The following GPHN variants were observed in gnomAD, a reference collection of about 807,000 sequenced individuals.
The protein encoded by GPHN is gephyrin.
GPHN carries 17 observed loss-of-function variants against 95.5 expected under a neutral mutation model. The observed-to-expected ratio is 0.18, with a 90% CI of 0.12 to 0.27. The LOEUF (loss-of-function observed/expected upper bound fraction) is 0.27, where lower values mean the gene tolerates loss of function less well. GPHN is among the 10% of genes least tolerant of loss of function. GPHN has a pLI of 1.00. For synonymous variants in GPHN, 320 were observed against 322.5 expected, an observed-to-expected ratio of 0.99 and a Z score of 0.08; for missense variants, 660 against 978.1, an observed-to-expected ratio of 0.67 and a Z score of 4.34.
intron 2 of GPHN, among the ~76,000 whole-genome samples, chr14:66,774,748 T>C (rs1184046804): frequency 6.6e-6 from 1 of 152,218 alleles, no homozygotes; most frequent in Non-Finnish European, 1.5e-5. Flanking sequence ...ATTGTTCAAA[T>C]AGAGCAAATC....
At chr14:67,585,768 C>A in the GPHN span, 2 of 996,188 alleles carry the variant, frequency 2.0e-6, no homozygotes, top group Non-Finnish European at 3.0e-6. Flanking sequence ...CCTACCCCCA[C>A]TCCTGCCCAA....
At chr14:66,826,280 C>G (rs1299184573) in intron 4 of GPHN, among the ~76,000 whole-genome samples, 3 of 152,300 alleles carry the variant, frequency 2.0e-5, no homozygotes, top group African/African-American at 7.2e-5. Context: ...TCTGGCTCTG[C>G]TACTTATCAA....
At chr14:67,284,449 T>C in the GPHN span, among the ~76,000 whole-genome samples, 1 of 94,010 alleles carries the variant, frequency 1.1e-5, no homozygotes, top group Non-Finnish European at 1.7e-5. Flanking sequence ...AAAAAACAGC[T>C]GGGCATGGTG....
In GPHN at chr14:66,880,085, G is replaced by A. The variant is rs781351565; in HGVS notation, c.389+52G>A. ...ACCATTTGCTAGGTGAACTGTTTCC[G>A]TGATATTAAAAAAAATCTACACTTT... On this transcript the variant is annotated intron_variant, in intron 5 of 22. Transcript: ENST00000478722. 53 of 1,107,278 alleles carry A rather than the reference G, an allele frequency of 4.8e-5. No individual in the cohort carries two copies. In the Middle Eastern group the frequency reaches 5.9e-4, roughly 12 times the overall value. 68.6% of individuals were successfully genotyped at this position (1,107,278 alleles called of 1,614,324 possible). A position where few individuals can be genotyped will look rare whatever the true frequency, so the allele number is the denominator to read the frequency against.
intron 1 of GPHN, among the ~76,000 whole-genome samples, chr14:66,573,765 C>CT (rs201677352): frequency 2.9e-4 from 44 of 149,370 alleles, no homozygotes; most frequent in East Asian, 9.8e-4. Flanking sequence ...TATATAATGA[C>CT]TTTTTTTTTT....
chr14:67,464,369 C>T, the GPHN span, among the ~76,000 whole-genome samples: 1 of 152,036 alleles, frequency 6.6e-6, no homozygotes, highest in South Asian at 2.1e-4. Context: ...GGTGAGGCCC[C>T]ACAGGTCTTC....
intron 1 of GPHN, among the ~76,000 whole-genome samples, chr14:66,514,734 T>A (rs1302310055): frequency 2.0e-5 from 3 of 152,224 alleles, no homozygotes; most frequent in African/African-American, 7.2e-5. Context: ...TTATTAGCAA[T>A]CTTACACTTA....
the GPHN span, among the ~76,000 whole-genome samples, chr14:67,600,578 G>T: frequency 6.6e-6 from 1 of 152,284 alleles, no homozygotes; most frequent in South Asian, 2.1e-4. Context: ...TAGCCTGTGC[G>T]AGAGAGCAAG....
At chr14:67,604,463 G>T in the GPHN span, among the ~76,000 whole-genome samples, 1 of 152,164 alleles carries the variant, frequency 6.6e-6, no homozygotes, top group Non-Finnish European at 1.5e-5. Context: ...GAGAGGCTGA[G>T]CCAGGAAGAT....
At chr14:66,510,952 T>C (rs1232747424) in intron 1 of GPHN, among the ~76,000 whole-genome samples, 1 of 152,186 alleles carries the variant, frequency 6.6e-6, no homozygotes, top group African/African-American at 2.4e-5. Flanking sequence ...AACAAGGATG[T>C]AGCTGAAGGA....
intron 17 of GPHN, among the ~76,000 whole-genome samples, chr14:67,142,792 A>G (rs1352938305): frequency 1.3e-5 from 2 of 152,122 alleles, no homozygotes; most frequent in East Asian, 1.9e-4. Context: ...TAAGCAGGCC[A>G]TTTTCCACAG....
chr14:66,892,259 A>ACT, intron 5 of GPHN, among the ~76,000 whole-genome samples: 1 of 152,196 alleles, frequency 6.6e-6, no homozygotes, highest in Non-Finnish European at 1.5e-5. Flanking sequence ...TCTCTACAAA[A>ACT]CTTGTTTAAA....
the GPHN span, among the ~76,000 whole-genome samples, chr14:67,277,082 C>T: frequency 1.3e-5 from 2 of 152,190 alleles, no homozygotes; most frequent in Non-Finnish European, 2.9e-5. Flanking sequence ...GTAACTCCTA[C>T]ATAATTTTTC....
chr14:67,472,681 G>A, the GPHN span: 2 of 152,844 alleles, frequency 1.3e-5, no homozygotes, highest in African/African-American at 2.4e-5. Context: ...CAGGTGTGGC[G>A]ACCGACGTGG....
chr14:66,648,468 G>A (rs1299676098), intron 1 of GPHN, among the ~76,000 whole-genome samples: 1 of 152,158 alleles, frequency 6.6e-6, no homozygotes, highest in East Asian at 1.9e-4. Context: ...ATGTGCAAAG[G>A]TGGTTGTAGA....
chr14:66,630,793 A>G (rs765543541), intron 1 of GPHN, among the ~76,000 whole-genome samples: 3 of 152,046 alleles, frequency 2.0e-5, no homozygotes, highest in Non-Finnish European at 2.9e-5. Context: ...ATTTTAACTT[A>G]TATTTGTAGA....
At chr14:66,787,592 C>T (rs930724625) in intron 3 of GPHN, among the ~76,000 whole-genome samples, 2 of 152,054 alleles carry the variant, frequency 1.3e-5, no homozygotes, top group African/African-American at 4.8e-5. Flanking sequence ...TCTGTATCTA[C>T]AGTATTCAAG....
At chr14:66,834,086 C>G (rs1262381921) in intron 4 of GPHN, among the ~76,000 whole-genome samples, 3 of 152,172 alleles carry the variant, frequency 2.0e-5, no homozygotes, top group Non-Finnish European at 4.4e-5. Context: ...AAACTGAAAT[C>G]TGTCACCTTA....
chr14:67,670,364 C>T, the GPHN span, among the ~76,000 whole-genome samples: 4 of 152,238 alleles, frequency 2.6e-5, no homozygotes, highest in African/African-American at 4.8e-5. Flanking sequence ...ATTCTAAGCT[C>T]CAGAGTTGGG....
Sources: gnomAD v4.1 joint callset for allele counts (sites outside exome capture counted in the v4.1 genomes callset) on GRCh38, gnomAD v4.1.1 for gene constraint, MANE v1.5 for transcripts, NCBI Gene and HGNC (gene_info 2026-07-23, HGNC 2026-07-21) for gene names.